Variants in LASP1 observed in about 807,000 individuals in gnomAD.
The protein encoded by LASP1 is LIM and SH3 protein 1, also known as LIM and SH3 domain protein 1.
A neutral mutation model predicts 38.6 loss-of-function variants in LASP1; 10 were observed. That is an observed-to-expected ratio of 0.26 (90% CI 0.16 to 0.44). The LOEUF is 0.44. Among genes scored for constraint, LASP1 ranks in the 20% least tolerant of loss-of-function variants. The probability of loss-of-function intolerance (pLI) is 1.00; values close to 1 mark genes in which losing one functional copy is unlikely to be tolerated. For synonymous variants in LASP1, 132 were observed against 140.8 expected (o/e 0.94, Z 0.44); for missense variants, 243 against 375.7 (o/e 0.65, Z 2.92).
intron 4 of LASP1, among the ~76,000 whole-genome samples, chr17:38,913,739 C>T (rs548662910): frequency 1.3e-5 from 2 of 152,314 alleles, no homozygotes; most frequent in South Asian, 2.1e-4. Context: ...CGGTGGCTCA[C>T]GCCTGTAATC....
rs774786306 is a variant in LASP1 at position 38,915,102 on chromosome 17, G to A, written c.568G>A (p.Ala190Thr). The A allele has an allele frequency of 2.5e-6, 4 of 1,613,872 alleles. No individual in the cohort carries two copies. Among genetic ancestry groups the A allele is most frequent in the Non-Finnish European group, 2.5e-6 (3 of 1,180,010 alleles). The change falls in exon 6 of 7, where the codon GCA becomes ACA. Residue 190 changes from alanine (A) to threonine (T), a missense_variant. Coordinates refer to ENST00000318008, the MANE Select transcript of LASP1 (RefSeq NM_006148.4). ...GTCCTATGGTGGCTACAAGGAGCCT[G>A]CAGCCCCAGTCTCCATACAGCGCAG... ...AQSYGGYKEP[A>T]APVSIQRSAP...
chr17:38,898,754 G>A (rs2143790387), intron 4 of LASP1: 1 of 591,704 alleles, frequency 1.7e-6, no homozygotes, highest in Non-Finnish European at 3.2e-6. Flanking sequence ...TTCTGTGGGG[G>A]CCTGTGTGCT....
chr17:38,892,535 A>G (rs1268077943), intron 3 of LASP1, among the ~76,000 whole-genome samples: 1 of 150,404 alleles, frequency 6.6e-6, no homozygotes, highest in African/African-American at 2.5e-5. Flanking sequence ...CTGGGAGCAG[A>G]TAGCAGGTCT....
At chr17:38,880,298 TGCGTTTTATCA>T (rs1913905619) in intron 2 of LASP1, among the ~76,000 whole-genome samples, 2 of 152,368 alleles carry the variant, frequency 1.3e-5, no homozygotes, top group Non-Finnish European at 2.9e-5. Context: ...TTGTTTTCTC[TGCGTTTTATCA>T]GCCTCATCCA....
At chr17:38,871,620 C>T (rs994453216) in intron 1 of LASP1, among the ~76,000 whole-genome samples, 8 of 152,024 alleles carry the variant, frequency 5.3e-5, no homozygotes, top group African/African-American at 1.2e-4. Flanking sequence ...TATCTCTCCC[C>T]TCCCCCTTGG....
chr17:38,895,888 A>T (rs1161364845), intron 3 of LASP1, among the ~76,000 whole-genome samples: 1 of 152,216 alleles, frequency 6.6e-6, no homozygotes, highest in African/African-American at 2.4e-5. Flanking sequence ...TGGGCCTGAC[A>T]GCAGAGTTTC....
At chr17:38,884,973 G>A (rs1437666033) in intron 2 of LASP1, among the ~76,000 whole-genome samples, 1 of 152,144 alleles carries the variant, frequency 6.6e-6, no homozygotes, top group African/African-American at 2.4e-5. Flanking sequence ...TTTCGTGCCC[G>A]ACCTGTATCA....
intron 3 of LASP1, among the ~76,000 whole-genome samples, chr17:38,896,025 C>T (rs1246142645): frequency 6.6e-6 from 1 of 152,064 alleles, no homozygotes; most frequent in Non-Finnish European, 1.5e-5. Flanking sequence ...GGGTTGTGAC[C>T]TTGGGCAGGT....
Position 38,876,552 on chromosome 17 carries a change from C to T in LASP1, c.70-1534C>T, listed in dbSNP as rs373332483. Among the ~76,000 whole-genome samples the T allele has an allele frequency of 5.3e-5, 8 of 151,346 alleles. No individual in the cohort carries two copies. In the East Asian group the frequency reaches 1.2e-3, roughly 22 times the overall value. Reference sequence around the variant, plus strand: ...AATTTTTTTGTATTTTTAGTAGATACGGGGTTTCACCATGTTGGCCAGGCT... The same window carrying T: ...AATTTTTTTGTATTTTTAGTAGATATGGGGTTTCACCATGTTGGCCAGGCT... On this transcript the variant is annotated intron_variant, in intron 1 of 6. Coordinates refer to ENST00000318008, the MANE Select transcript of LASP1 (RefSeq NM_006148.4).
At chr17:38,870,389 G>C in intron 1 of LASP1, 131 bp downstream of exon 1, 2 of 979,112 alleles carry the variant, frequency 2.0e-6, no homozygotes, top group South Asian at 3.0e-5. Context: ...GCGAGCGGGC[G>C]GTGTCATGGG....
At chr17:38,899,113 G>C in intron 4 of LASP1, 1 of 274,626 alleles carries the variant, frequency 3.6e-6, no homozygotes, top group South Asian at 3.6e-5. Context: ...CCCCAGCATC[G>C]TGTGCCCTCC....
chr17:38,909,995 A>C (rs969123864), intron 4 of LASP1, among the ~76,000 whole-genome samples: 4 of 151,886 alleles, frequency 2.6e-5, no homozygotes, highest in Non-Finnish European at 5.9e-5. Context: ...CAATCTGCCA[A>C]CCTCGACCTC....
At chr17:38,876,981 C>T (rs963764981) in intron 1 of LASP1, among the ~76,000 whole-genome samples, 1 of 152,228 alleles carries the variant, frequency 6.6e-6, no homozygotes. Context: ...GGATTACAGG[C>T]GTGAGCCACC....
chr17:38,902,209 C>T (rs1162552624), intron 4 of LASP1, among the ~76,000 whole-genome samples: 1 of 151,896 alleles, frequency 6.6e-6, no homozygotes, highest in Non-Finnish European at 1.5e-5. Flanking sequence ...CACAGGTGTG[C>T]ACCACCATGC....
chr17:38,917,717 C>G (rs1915173217), intron 6 of LASP1, among the ~76,000 whole-genome samples: 1 of 151,610 alleles, frequency 6.6e-6, no homozygotes, highest in South Asian at 2.1e-4. Context: ...GGGTCTTGCT[C>G]TGCTGCCCAG....
At chr17:38,908,620 C>T (rs1005690232) in intron 4 of LASP1, among the ~76,000 whole-genome samples, 12 of 152,158 alleles carry the variant, frequency 7.9e-5, no homozygotes, top group African/African-American at 9.7e-5. Flanking sequence ...GGGAGGGGGC[C>T]GGGAAAGGAG....
chr17:38,907,717 G>A (rs769349444), intron 4 of LASP1, among the ~76,000 whole-genome samples: 10 of 152,256 alleles, frequency 6.6e-5, no homozygotes, highest in African/African-American at 2.2e-4. Flanking sequence ...TCCTCCAGCC[G>A]TCGGGTCAGC....
At chr17:38,915,372 C>T (rs1567706359) in intron 6 of LASP1, 1 of 417,520 alleles carries the variant, frequency 2.4e-6, no homozygotes, top group East Asian at 4.0e-5. Context: ...GCAGGTTGCT[C>T]ACCCTGCTTT....
At chr17:38,882,121 C>T (rs1913971188) in intron 2 of LASP1, among the ~76,000 whole-genome samples, 1 of 152,204 alleles carries the variant, frequency 6.6e-6, no homozygotes, top group South Asian at 2.1e-4. Flanking sequence ...GGGAGCTGGA[C>T]TGAATGGGCT....
Sources: allele counts gnomAD v4.1 joint callset (sites outside exome capture counted in the v4.1 genomes callset), GRCh38; gene constraint gnomAD v4.1.1; transcripts MANE v1.5; gene names NCBI Gene and HGNC (gene_info 2026-07-23, HGNC 2026-07-21).